P3H2: variants seen among roughly 807,000 people sequenced by gnomAD.
The protein encoded by P3H2 is prolyl 3-hydroxylase 2, also known as leprecan-like 1.
In P3H2, 80 loss-of-function variants were observed where a neutral mutation model predicts 87.0. That is an observed-to-expected ratio of 0.92 (90% CI 0.77 to 1.11). The LOEUF (loss-of-function observed/expected upper bound fraction) is 1.11, where lower values mean the gene tolerates loss of function less well. Among genes scored for constraint, P3H2 ranks in the 50% least tolerant of loss-of-function variants. The pLI is 0.00. For missense variants in P3H2, 1,001 were observed against 923.9 expected, an observed-to-expected ratio of 1.08 and a Z score of -1.08; for synonymous variants, 367 against 359.3, an observed-to-expected ratio of 1.02 and a Z score of -0.24.
At chr3:189,972,802 G>A in intron 11 of P3H2, 72 bp downstream of exon 11, 1 of 1,505,022 alleles carries the variant, frequency 6.6e-7, no homozygotes, top group Non-Finnish European at 9.2e-7. Context: ...ATGCTGTTGA[G>A]CTTTGTTTTG....
chr3:190,006,387 C>T (rs1315422198), intron 1 of P3H2, among the ~76,000 whole-genome samples: 1 of 152,176 alleles, frequency 6.6e-6, no homozygotes, highest in Non-Finnish European at 1.5e-5. Context: ...CAAATAGACA[C>T]TTGGGATTTT....
At chr3:190,090,464 GA>G (rs1727371602) in intron 1 of P3H2, among the ~76,000 whole-genome samples, 1 of 152,202 alleles carries the variant, frequency 6.6e-6, no homozygotes, top group Non-Finnish European at 1.5e-5. Flanking sequence ...AGCACTTTGG[GA>G]GGCTGAGGCG....
At chr3:190,074,463 A>G (rs930299003) in intron 1 of P3H2, among the ~76,000 whole-genome samples, 38 of 152,138 alleles carry the variant, frequency 2.5e-4, no homozygotes, top group Non-Finnish European at 5.0e-4. Context: ...GTGAGCCAAG[A>G]TCGCACCACT....
chr3:189,982,650 G>A (rs1246502947), intron 8 of P3H2, among the ~76,000 whole-genome samples: 1 of 152,100 alleles, frequency 6.6e-6, no homozygotes, highest in Non-Finnish European at 1.5e-5. Flanking sequence ...AATATCCCAT[G>A]TGGCTGGTCT....
chr3:190,088,568 GGATGGTACTT>G (rs1164567102), intron 1 of P3H2, among the ~76,000 whole-genome samples: 1 of 152,126 alleles, frequency 6.6e-6, no homozygotes, highest in East Asian at 1.9e-4. Context: ...TTCTGCTCTT[GGATGGTACTT>G]GATAACTGAA....
At chr3:189,987,343 G>T (rs1723733826) in intron 5 of P3H2, among the ~76,000 whole-genome samples, 184 bp downstream of exon 5, 1 of 152,106 alleles carries the variant, frequency 6.6e-6, no homozygotes, top group Non-Finnish European at 1.5e-5. Flanking sequence ...GCCGGGTGTG[G>T]TGGCATGTGC....
rs1560371483 is a variant in P3H2 at position 190,034,223 on chromosome 3, A to AT, written c.481-38782_481-38781insA. 2.6e-5 allele frequency among the ~76,000 whole-genome samples: 4 copies of AT among 151,650 alleles called. No individual in the cohort carries two copies. The East Asian group carries it at 5.8e-4, about 22-fold the overall frequency. On this transcript the variant is annotated intron_variant, in intron 1 of 14. Transcript: ENST00000319332. ...ATAGTTGAAATAATCACATATGAATAATTGTTCCTCATAAACTCTGTCAAA... is the reference window on the plus strand; with the variant it reads ...ATAGTTGAAATAATCACATATGAATATATTGTTCCTCATAAACTCTGTCAAA...
chr3:190,063,067 T>C (rs1016643038), intron 1 of P3H2, among the ~76,000 whole-genome samples: 2 of 152,144 alleles, frequency 1.3e-5, no homozygotes, highest in African/African-American at 4.8e-5. Context: ...GCCAGTGTAT[T>C]TGGGCCCAAA....
At chr3:190,036,262 C>T (rs1211490666) in intron 1 of P3H2, among the ~76,000 whole-genome samples, 1 of 152,096 alleles carries the variant, frequency 6.6e-6, no homozygotes, top group Non-Finnish European at 1.5e-5. Flanking sequence ...GAGAATTTTG[C>T]TCTTACCTAA....
At chr3:189,964,489 T>C (rs921395006) in intron 13 of P3H2, among the ~76,000 whole-genome samples, 1 of 152,256 alleles carries the variant, frequency 6.6e-6, no homozygotes, top group African/African-American at 2.4e-5. Flanking sequence ...ACTTGTGTAA[T>C]TAACAAACAA....
intron 1 of P3H2, among the ~76,000 whole-genome samples, chr3:190,035,063 G>A (rs1028536469): frequency 6.6e-6 from 1 of 151,752 alleles, no homozygotes; most frequent in Non-Finnish European, 1.5e-5. Context: ...TGGTCTGGCT[G>A]GTCTCACACT....
Position 189,971,070 on chromosome 3 carries a change from T to C in P3H2, c.1818-179A>G, listed in dbSNP as rs1313310984. Among the ~76,000 whole-genome samples the C allele has an allele frequency of 5.9e-5, 9 of 152,242 alleles. No individual in the cohort carries two copies. In the South Asian group the frequency reaches 8.3e-4, roughly 14 times the overall value. ...AGAAGATCAGATAGAGTTTGAGTTA[T>C]ACCTCTGAAGAGTTTACTTATTCCA... On this transcript the variant is annotated intron_variant, in intron 12 of 14. Coordinates refer to ENST00000319332, the MANE Select transcript of P3H2 (RefSeq NM_018192.4).
intron 8 of P3H2, among the ~76,000 whole-genome samples, chr3:189,979,939 G>A (rs575112113): frequency 1.4e-4 from 21 of 152,142 alleles, no homozygotes; most frequent in African/African-American, 5.1e-4. Context: ...CTGTACTCCC[G>A]CCTGGGTGAC....
intron 13 of P3H2, chr3:189,969,818 A>G: frequency 6.2e-7 from 1 of 1,601,074 alleles, no homozygotes; most frequent in Non-Finnish European, 8.6e-7. Flanking sequence ...TGTTCCACCA[A>G]TTATTCCAAT....
At chr3:190,049,446 A>T (rs1354488478) in intron 1 of P3H2, among the ~76,000 whole-genome samples, 1 of 152,194 alleles carries the variant, frequency 6.6e-6, no homozygotes, top group Non-Finnish European at 1.5e-5. Flanking sequence ...GAAAAAAAGA[A>T]GAAAAAAAAG....
intron 1 of P3H2, among the ~76,000 whole-genome samples, chr3:190,071,023 G>A (rs762055549): frequency 1.6e-4 from 24 of 152,002 alleles, no homozygotes; most frequent in Non-Finnish European, 3.2e-4. Flanking sequence ...GCTTTTTTCC[G>A]GATTATAAAA....
intron 4 of P3H2, among the ~76,000 whole-genome samples, chr3:189,988,011 A>G (rs1723760200): frequency 6.6e-6 from 1 of 152,230 alleles, no homozygotes; most frequent in South Asian, 2.1e-4. Flanking sequence ...GTTTGGGTTA[A>G]GTAAACATCC....
At chr3:190,074,365 G>A (rs1726800525) in intron 1 of P3H2, among the ~76,000 whole-genome samples, 3 of 151,954 alleles carry the variant, frequency 2.0e-5, no homozygotes, top group Non-Finnish European at 4.4e-5. Context: ...CAAAAAATTA[G>A]CCGGGTACAG....
chr3:190,094,531 T>A (rs1727509376), intron 1 of P3H2, among the ~76,000 whole-genome samples: 1 of 152,144 alleles, frequency 6.6e-6, no homozygotes, highest in South Asian at 2.1e-4. Context: ...CCCTACAGGT[T>A]CCACAGAACC....
Sources: allele counts gnomAD v4.1 joint callset (sites outside exome capture counted in the v4.1 genomes callset), GRCh38; gene constraint gnomAD v4.1.1; transcripts MANE v1.5; gene names NCBI Gene and HGNC (gene_info 2026-07-23, HGNC 2026-07-21).